Variants in B3GALT1 observed in about 807,000 individuals in gnomAD.
The protein encoded by B3GALT1 is UDP-Gal:betaGlcNAc beta 1,3-galactosyltransferase, polypeptide 1.
Under a neutral mutation model 23.2 loss-of-function variants are expected in B3GALT1, and 10 were observed. That is an observed-to-expected ratio of 0.43 (90% CI 0.27 to 0.73). The LOEUF is 0.73. Ranked by LOEUF, B3GALT1 falls within the 30% of genes least tolerant of loss-of-function variation. The pLI, the probability that B3GALT1 is intolerant of heterozygous loss-of-function variation, is 0.21. For synonymous variants in B3GALT1, 156 were observed against 141.5 expected (o/e 1.10, Z -0.73); for missense variants, 299 against 405.4 (o/e 0.74, Z 2.25).
Position 167,438,015 on chromosome 2 carries a change from G to C in B3GALT1, c.-510-52162G>C, listed in dbSNP as rs1415290684. Among the ~76,000 whole-genome samples, 3 of 152,158 alleles carry C rather than the reference G, an allele frequency of 2.0e-5. No homozygotes were observed. In the East Asian group the frequency reaches 5.8e-4, roughly 29 times the overall value. On this transcript the variant is annotated intron_variant, in intron 1 of 4. Coordinates refer to ENST00000392690, the MANE Select transcript of B3GALT1 (RefSeq NM_020981.4). ...CCTCCTAGTGAGGCTAAAAAGAGTA[G>C]AAAGCAATAGTAAACAATTTCTATC...
intron 2 of B3GALT1, among the ~76,000 whole-genome samples, chr2:167,509,960 G>GAA (rs1699980580): frequency 6.6e-6 from 1 of 152,198 alleles, no homozygotes; most frequent in Non-Finnish European, 1.5e-5. Context: ...GCCAGAGAGA[G>GAA]ATGAGAATGG....
At chr2:167,422,818 G>A (rs1344481837) in intron 1 of B3GALT1, among the ~76,000 whole-genome samples, 6 of 152,110 alleles carry the variant, frequency 3.9e-5, no homozygotes, top group African/African-American at 1.4e-4. Flanking sequence ...TCCACAGAAG[G>A]GAGTCAGGCT....
intron 2 of B3GALT1, among the ~76,000 whole-genome samples, chr2:167,623,418 G>T (rs1037380613): frequency 4.6e-5 from 7 of 152,168 alleles, no homozygotes; most frequent in African/African-American, 1.7e-4. Flanking sequence ...GGAATACTAT[G>T]CAGCCATAAA....
chr2:167,574,962 T>C (rs1161746372), intron 2 of B3GALT1, among the ~76,000 whole-genome samples: 1 of 151,760 alleles, frequency 6.6e-6, no homozygotes, highest in African/African-American at 2.4e-5. Flanking sequence ...TACTTGTTTT[T>C]GGAAACCTAA....
intron 1 of B3GALT1, among the ~76,000 whole-genome samples, chr2:167,322,300 G>GA (rs977235655): frequency 4.1e-4 from 59 of 144,578 alleles, no homozygotes; most frequent in South Asian, 6.5e-4. Flanking sequence ...TTGAGTTTCT[G>GA]AAAAAAAAAA....
intron 3 of B3GALT1, among the ~76,000 whole-genome samples, chr2:167,760,059 G>A (rs1687877411): frequency 1.3e-5 from 2 of 152,112 alleles, no homozygotes; most frequent in Non-Finnish European, 2.9e-5. Context: ...CAAGGTACTA[G>A]TTTGAACATC....
intron 3 of B3GALT1, among the ~76,000 whole-genome samples, chr2:167,668,097 T>C (rs1686240330): frequency 1.3e-5 from 2 of 152,204 alleles, no homozygotes; most frequent in South Asian, 4.1e-4. Flanking sequence ...TTTTGGTCTT[T>C]GATGATGGTG....
At chr2:167,669,523 T>A (rs1686283082) in intron 3 of B3GALT1, among the ~76,000 whole-genome samples, 1 of 152,202 alleles carries the variant, frequency 6.6e-6, no homozygotes, top group South Asian at 2.1e-4. Context: ...TGAATGGTTT[T>A]AAATCATCAT....
chr2:167,499,031 G>A (rs1699813216), intron 2 of B3GALT1, among the ~76,000 whole-genome samples: 1 of 152,230 alleles, frequency 6.6e-6, no homozygotes, highest in East Asian at 1.9e-4. Context: ...TTTTGAGTTG[G>A]TGGTTACACT....
intron 1 of B3GALT1, among the ~76,000 whole-genome samples, chr2:167,313,548 G>A (rs541984646): frequency 3.2e-4 from 49 of 152,262 alleles, no homozygotes; most frequent in African/African-American, 1.0e-3. Flanking sequence ...GAAGACCCTA[G>A]TCTAAGAGGT....
At chr2:167,410,073 T>C (rs2105294740) in intron 1 of B3GALT1, among the ~76,000 whole-genome samples, 1 of 152,272 alleles carries the variant, frequency 6.6e-6, no homozygotes, top group South Asian at 2.1e-4. Context: ...GTGGCACATA[T>C]ACACATGGAA....
chr2:167,464,159 A>AT (rs1170151201), intron 1 of B3GALT1, among the ~76,000 whole-genome samples: 13 of 149,596 alleles, frequency 8.7e-5, no homozygotes, highest in South Asian at 2.1e-4. Flanking sequence ...ATCCTGTGCA[A>AT]TTTTTTTTTT....
intron 1 of B3GALT1, among the ~76,000 whole-genome samples, chr2:167,321,305 AAAT>A (rs1477437308): frequency 6.6e-6 from 1 of 152,190 alleles, no homozygotes; most frequent in Non-Finnish European, 1.5e-5. Context: ...TTTACACAGA[AAAT>A]AATCTTAGAA....
intron 1 of B3GALT1, among the ~76,000 whole-genome samples, chr2:167,437,178 T>C (rs933238255): frequency 5.9e-5 from 9 of 152,196 alleles, no homozygotes; most frequent in African/African-American, 1.9e-4. Context: ...ATACTGTCCC[T>C]AACTGAGTCA....
At chr2:167,294,970 A>T (rs1696324942) in intron 1 of B3GALT1, among the ~76,000 whole-genome samples, 2 of 152,198 alleles carry the variant, frequency 1.3e-5, no homozygotes, top group South Asian at 4.1e-4. Flanking sequence ...CACGTAATAG[A>T]AATGCTATAG....
chr2:167,868,909 C>T lies in B3GALT1; in HGVS notation c.-131C>T, dbSNP rs922413005. 1 of 1,111,692 alleles carries T rather than the reference C, an allele frequency of 9.0e-7. No homozygotes were observed. Among genetic ancestry groups the T allele is most frequent in the Non-Finnish European group, 1.3e-6 (1 of 784,268 alleles). 68.9% of individuals were successfully genotyped at this position (1,111,692 alleles called of 1,614,324 possible). A position where few individuals can be genotyped will look rare whatever the true frequency, so the allele number is the denominator to read the frequency against. On this transcript the variant is annotated 5_prime_UTR_variant, in exon 5 of 5. Transcript: ENST00000392690. ...ACAGACAGCCACTGAGGCCCATGGA[C>T]AATCTCCACCTCACGCTTCTCTATC...
intron 2 of B3GALT1, among the ~76,000 whole-genome samples, chr2:167,502,052 A>G (rs1253995054): frequency 6.6e-6 from 1 of 152,186 alleles, no homozygotes; most frequent in Non-Finnish European, 1.5e-5. Context: ...ATAAAAGACC[A>G]TGGTGGTTCG....
chr2:167,400,769 G>A (rs563094411), intron 1 of B3GALT1, among the ~76,000 whole-genome samples: 20 of 152,224 alleles, frequency 1.3e-4, no homozygotes, highest in Non-Finnish European at 2.9e-4. Flanking sequence ...TGAACAGGAG[G>A]CACATTTTTA....
chr2:167,712,225 T>C (rs1406841452), intron 3 of B3GALT1, among the ~76,000 whole-genome samples: 1 of 152,178 alleles, frequency 6.6e-6, no homozygotes, highest in Non-Finnish European at 1.5e-5. Context: ...AACCTGGATT[T>C]ACCTCTTCAA....
Sources: allele counts gnomAD v4.1 joint callset (sites outside exome capture counted in the v4.1 genomes callset), GRCh38; gene constraint gnomAD v4.1.1; transcripts MANE v1.5; gene names NCBI Gene and HGNC (gene_info 2026-07-23, HGNC 2026-07-21).